MBD5: variants seen among roughly 807,000 people sequenced by gnomAD.
MBD5 encodes the protein methyl-CpG binding domain protein 5.
A neutral mutation model predicts 117.3 loss-of-function variants in MBD5; 13 were observed. That is an observed-to-expected ratio of 0.11 (90% CI 0.07 to 0.18). The LOEUF (loss-of-function observed/expected upper bound fraction) is 0.18. Among genes scored for constraint, MBD5 ranks in the 10% least tolerant of loss-of-function variants. The pLI is 1.00. For synonymous variants in MBD5, 727 were observed against 766.4 expected, an observed-to-expected ratio of 0.95 and a Z score of 0.85; for missense variants, 1,879 against 2,093.8, an observed-to-expected ratio of 0.90 and a Z score of 2.00.
chr2:148,374,197 C>T (rs749685551), intron 4 of MBD5, among the ~76,000 whole-genome samples: 3 of 151,726 alleles, frequency 2.0e-5, no homozygotes, highest in African/African-American at 4.9e-5. Context: ...GTACTTTGCA[C>T]ACAAAGCCCA....
intron 1 of MBD5, chr2:148,026,200 C>G (rs981952022): frequency 3.9e-5 from 6 of 152,188 alleles, no homozygotes; most frequent in Middle Eastern, 3.4e-3. Context: ...ATTATAAGTA[C>G]CCAGCACTGT....
chr2:148,167,717 C>T (rs904332999), intron 1 of MBD5, among the ~76,000 whole-genome samples: 2 of 152,162 alleles, frequency 1.3e-5, no homozygotes, highest in African/African-American at 4.8e-5. Flanking sequence ...CAGCTCATCC[C>T]TCTGTCCTCT....
intron 1 of MBD5, among the ~76,000 whole-genome samples, chr2:148,090,749 G>A (rs1695920508): frequency 6.6e-6 from 1 of 152,068 alleles, no homozygotes; most frequent in South Asian, 2.1e-4. Context: ...ATGGAATGGG[G>A]AAAAGTTGAA....
At chr2:148,462,505 C>T in intron 5 of MBD5, 77 bp from the exon 6 acceptor site, 1 of 933,022 alleles carries the variant, frequency 1.1e-6, no homozygotes, top group Admixed American at 1.7e-5. Flanking sequence ...GACAGTAAGA[C>T]TATAAATTAT....
chr2:148,411,031 T>C (rs925005690), intron 4 of MBD5, among the ~76,000 whole-genome samples: 3 of 152,060 alleles, frequency 2.0e-5, no homozygotes, highest in Non-Finnish European at 4.4e-5. Flanking sequence ...CTCAAGTGGG[T>C]CCTGGTGTCT....
chr2:148,130,951 A>G (rs997961481), intron 1 of MBD5, among the ~76,000 whole-genome samples: 1 of 152,212 alleles, frequency 6.6e-6, no homozygotes, highest in Admixed American at 6.5e-5. Context: ...GTGAAGCTTC[A>G]CTTAACTGAA....
intron 3 of MBD5, among the ~76,000 whole-genome samples, chr2:148,294,208 T>G (rs57524966): frequency 0.31 from 685 of 2,192 alleles, 26 homozygotes; most frequent in Middle Eastern, 0.5. Context: ...TTTTTTTTTT[T>G]TTTTTTTTTT....
At chr2:148,292,630 T>C (rs1205412948) in intron 3 of MBD5, among the ~76,000 whole-genome samples, 2 of 152,128 alleles carry the variant, frequency 1.3e-5, no homozygotes, top group African/African-American at 2.4e-5. Flanking sequence ...GAGTGCAAGT[T>C]AGTACAGCCA....
intron 2 of MBD5, among the ~76,000 whole-genome samples, chr2:148,222,056 A>G (rs368381360): frequency 6.6e-6 from 1 of 152,092 alleles, no homozygotes; most frequent in Non-Finnish European, 1.5e-5. Context: ...TTTGTTGAAA[A>G]TGAGTTTACT....
chr2:148,082,169 C>T, intron 1 of MBD5, among the ~76,000 whole-genome samples: 1 of 152,172 alleles, frequency 6.6e-6, no homozygotes, highest in South Asian at 2.1e-4. Flanking sequence ...TTTCTTTTCA[C>T]AAACCCCACA....
chr2:148,043,388 G>A (rs867777869), intron 1 of MBD5, among the ~76,000 whole-genome samples: 2 of 151,892 alleles, frequency 1.3e-5, no homozygotes, highest in Non-Finnish European at 2.9e-5. Flanking sequence ...AGGAGGCGGA[G>A]GTTGCAGTGA....
intron 1 of MBD5, among the ~76,000 whole-genome samples, chr2:148,122,752 G>A (rs988884287): frequency 3.3e-5 from 5 of 152,154 alleles, no homozygotes; most frequent in Admixed American, 6.6e-5. Context: ...CATTTAAAAT[G>A]TCCAGTAAAC....
intron 2 of MBD5, among the ~76,000 whole-genome samples, chr2:148,208,873 C>T (rs1699349716): frequency 6.6e-6 from 1 of 151,896 alleles, no homozygotes; most frequent in Non-Finnish European, 1.5e-5. Flanking sequence ...CATCAAATAC[C>T]TCTGTTCTAT....
At chr2:148,325,456 G>A (rs138131374) in intron 3 of MBD5, among the ~76,000 whole-genome samples, 2,474 of 152,178 alleles carry the variant, frequency 0.016, 41 homozygotes, top group Non-Finnish European at 0.022. Context: ...CTGTGAATCC[G>A]TCTGGTCCTG....
At chr2:148,431,166 A>T (rs1705971976) in intron 4 of MBD5, among the ~76,000 whole-genome samples, 1 of 152,076 alleles carries the variant, frequency 6.6e-6, no homozygotes, top group Non-Finnish European at 1.5e-5. Flanking sequence ...CTCTCATTTC[A>T]TTCAACCTTA....
intron 1 of MBD5, among the ~76,000 whole-genome samples, chr2:148,129,403 G>C (rs1189568193): frequency 6.6e-6 from 1 of 152,094 alleles, no homozygotes; most frequent in East Asian, 1.9e-4. Flanking sequence ...GCTGAGGCAG[G>C]AGTAATCACT....
intron 1 of MBD5, among the ~76,000 whole-genome samples, chr2:148,169,605 T>C (rs1202377154): frequency 1.3e-5 from 2 of 152,194 alleles, no homozygotes; most frequent in Non-Finnish European, 2.9e-5. Context: ...GCAGATCTGA[T>C]AGACATTTTT....
At chr2:148,353,622 C>T (rs1703300366) in intron 4 of MBD5, among the ~76,000 whole-genome samples, 1 of 152,074 alleles carries the variant, frequency 6.6e-6, no homozygotes, top group Admixed American at 6.6e-5. Flanking sequence ...ACTCTATCAC[C>T]CAGGTTGGAG....
intron 4 of MBD5, among the ~76,000 whole-genome samples, chr2:148,429,947 A>G (rs1705932827): frequency 6.6e-6 from 1 of 152,176 alleles, no homozygotes; most frequent in Non-Finnish European, 1.5e-5. Flanking sequence ...ATACCTATGC[A>G]ACAAATCTGC....
Sources: gnomAD v4.1 joint callset for allele counts (sites outside exome capture counted in the v4.1 genomes callset) on GRCh38, gnomAD v4.1.1 for gene constraint, MANE v1.5 for transcripts, NCBI Gene and HGNC (gene_info 2026-07-23, HGNC 2026-07-21) for gene names.